The following MN1 variants were observed in gnomAD, a reference collection of about 807,000 sequenced individuals.
The protein encoded by MN1 is MN1 proto-oncogene, transcriptional regulator, also known as transcriptional activator MN1.
Under a neutral mutation model 86.9 loss-of-function variants are expected in MN1, and 19 were observed. The observed-to-expected ratio is 0.22, with a 90% CI of 0.15 to 0.32. The LOEUF (loss-of-function observed/expected upper bound fraction) is 0.32, where lower values mean the gene tolerates loss of function less well. MN1 is among the 10% of genes least tolerant of loss of function. The pLI is 1.00. For missense variants in MN1, 1,841 were observed against 1,862.0 expected, an observed-to-expected ratio of 0.99 and a Z score of 0.21; for synonymous variants, 928 against 849.6, an observed-to-expected ratio of 1.09 and a Z score of -1.60.
chr22:27,801,732 GC>G lies in MN1; in HGVS notation c.-1190del, dbSNP rs1014412404. On this transcript the variant is annotated 5_prime_UTR_variant, in exon 1 of 2. Transcript: ENST00000302326. ...GCTCCCCTCTCTGTGTCTGCCTCTC[GC>G]CCAGCGCCGGGAGAAGCAGCAACAA... 3.1e-4 allele frequency among the ~76,000 whole-genome samples: 47 copies of G among 152,318 alleles called. No individual in the cohort carries two copies. Among genetic ancestry groups the G allele is most frequent in the Non-Finnish European group, 4.7e-4 (32 of 68,030 alleles).
chr22:27,775,531 C>G (rs1932966748), intron 1 of MN1, among the ~76,000 whole-genome samples: 1 of 152,122 alleles, frequency 6.6e-6, no homozygotes, highest in South Asian at 2.1e-4. Flanking sequence ...CCGCCGTGGC[C>G]CAGCCTGCCC....
intron 1 of MN1, among the ~76,000 whole-genome samples, chr22:27,774,866 CT>C (rs1184815900): frequency 6.6e-6 from 1 of 152,180 alleles, no homozygotes; most frequent in Non-Finnish European, 1.5e-5. Context: ...ACTAGACCCC[CT>C]GTCACCCTGA....
At chr22:27,786,479 T>C (rs565236753) in intron 1 of MN1, among the ~76,000 whole-genome samples, 6 of 147,952 alleles carry the variant, frequency 4.1e-5, no homozygotes, top group East Asian at 2.1e-4. Context: ...ACCACCACCA[T>C]GTGTCAAGGA....
At chr22:27,774,083 C>A (rs530611024) in intron 1 of MN1, among the ~76,000 whole-genome samples, 179 of 152,316 alleles carry the variant, frequency 1.2e-3, no homozygotes, top group Admixed American at 3.1e-3. Flanking sequence ...CTTCACCTCC[C>A]GTGTGCCCAG....
intron 1 of MN1, among the ~76,000 whole-genome samples, chr22:27,758,364 T>C (rs1217840174): frequency 6.6e-6 from 1 of 152,208 alleles, no homozygotes; most frequent in African/African-American, 2.4e-5. Flanking sequence ...GTCAGCCCCA[T>C]GGCGATGTTT....
At chr22:27,786,810 G>A (rs570443062) in intron 1 of MN1, among the ~76,000 whole-genome samples, 1 of 150,228 alleles carries the variant, frequency 6.7e-6, no homozygotes, top group African/African-American at 2.5e-5. Flanking sequence ...ATTATTCTAT[G>A]CCAGGCAATC....
rs1281141480 is a variant in MN1 at position 27,798,323 on chromosome 22, C to G, written c.2221G>C (p.Gly741Arg). The change falls in exon 1 of 2, where the codon GGG becomes CGG. Residue 741 changes from glycine to arginine, a missense_variant. Physicochemically the swap from Gly to Arg is moderately radical, Grantham distance 125 (BLOSUM62 -2). Transcript: ENST00000302326. The stretch of plus-strand genomic sequence containing the variant: ...CCAAACGGAAAGCCCGGCTGGCCCC[C>G]GAGCGCAGACGTAGCAAAGTCCGGC... ...PPPDFATSAL[G>R]GQPGFPFGAA... 1.4e-5 allele frequency: 21 copies of G among 1,517,970 alleles called. No individual in the cohort carries two copies. The South Asian group carries it at 2.4e-4, about 18-fold the overall frequency. The allele number at this position is 1,517,970 out of a possible 1,614,324, so 94.0% of individuals were successfully genotyped here.
intron 1 of MN1, among the ~76,000 whole-genome samples, chr22:27,773,302 T>C (rs1247708465): frequency 6.6e-6 from 1 of 152,148 alleles, no homozygotes; most frequent in Admixed American, 6.5e-5. Context: ...CTCCAATGAG[T>C]TCATTTTACC....
At chr22:27,759,416 C>T (rs2267113) in intron 1 of MN1, among the ~76,000 whole-genome samples, 7,536 of 152,240 alleles carry the variant, frequency 0.05, 234 homozygotes, top group East Asian at 0.078. Context: ...AAGGTCTACA[C>T]GGCCACCAAC....
chr22:27,789,137 C>T (rs932456278), intron 1 of MN1, among the ~76,000 whole-genome samples: 1 of 152,184 alleles, frequency 6.6e-6, no homozygotes, highest in African/African-American at 2.4e-5. Context: ...CCTCCAAAGA[C>T]ATGACCATGG....
At chr22:27,796,201 T>A (rs1933292077) in intron 1 of MN1, among the ~76,000 whole-genome samples, 1 of 152,128 alleles carries the variant, frequency 6.6e-6, no homozygotes, top group African/African-American at 2.4e-5. Context: ...GGAACAAATG[T>A]CAAATTAGGC....
At chr22:27,787,525 C>A (rs1933150328) in intron 1 of MN1, among the ~76,000 whole-genome samples, 1 of 152,130 alleles carries the variant, frequency 6.6e-6, no homozygotes, top group Non-Finnish European at 1.5e-5. Flanking sequence ...ACTTTGGTCC[C>A]CTTTTTGCCT....
Position 27,798,797 on chromosome 22 carries a change from C to G in MN1, c.1747G>C (p.Asp583His), listed in dbSNP as rs1933364994. The change falls in exon 1 of 2, where the codon GAC (aspartate) becomes CAC (histidine). Residue 583 changes from aspartate (D) to histidine (H), a missense_variant. Transcript: ENST00000302326. ...PNLAQLGHPGDVGQGGLVHGG... is the reference protein window; with the variant it reads ...PNLAQLGHPGHVGQGGLVHGG... ...TGCACCAGGCCGCCCTGGCCCACGT[C>G]CCCGGGGTGGCCTAGCTGAGCCAGG... 1 of 1,535,814 alleles carries G rather than the reference C, an allele frequency of 6.5e-7. No homozygotes were observed. The highest frequency in any genetic ancestry group is 2.4e-5 in the East Asian group (1 of 40,878).
intron 1 of MN1, among the ~76,000 whole-genome samples, chr22:27,762,649 C>T (rs987027293): frequency 1.3e-5 from 2 of 152,084 alleles, no homozygotes; most frequent in Non-Finnish European, 2.9e-5. Context: ...GTGGCCTGGG[C>T]AGGATGCTGT....
chr22:27,777,420 A>G (rs1932991608), intron 1 of MN1, among the ~76,000 whole-genome samples: 1 of 151,666 alleles, frequency 6.6e-6, no homozygotes, highest in Non-Finnish European at 1.5e-5. Context: ...GTAGTCCTAG[A>G]TACCCTGGAG....
At chr22:27,771,219 C>CTT (rs11330963) in intron 1 of MN1, among the ~76,000 whole-genome samples, 2,921 of 86,592 alleles carry the variant, frequency 0.034, 335 homozygotes, top group African/African-American at 0.12. Flanking sequence ...TTTTCCCTAA[C>CTT]TTTTTTTTTT....
intron 1 of MN1, among the ~76,000 whole-genome samples, chr22:27,785,753 C>A (rs1006154159): frequency 6.7e-5 from 10 of 150,168 alleles, no homozygotes; most frequent in East Asian, 2.0e-4. Flanking sequence ...TGTGCCCCCC[C>A]CCCATGGCCC....
rs752339866 is a variant in MN1 at position 27,799,300 on chromosome 22, T to A, written c.1244A>T (p.Glu415Val). ...GGAATAAGGGTGCATGCTCCGGTTC[T>A]CCAGCCGGTGGATGGGATACTCGAA... ...AQFEYPIHRL[E>V]NRSMHPYSEP... The change falls in exon 1 of 2, where the codon GAG (glutamate) becomes GTG (valine). Residue 415 changes from glutamate (E) to valine (V), a missense_variant. Glu to Val is a moderately radical substitution (Grantham distance 121). Coordinates refer to ENST00000302326, the MANE Select transcript of MN1 (RefSeq NM_002430.3). The A allele has an allele frequency of 3.5e-5, 56 of 1,589,778 alleles. No homozygotes were observed. The highest frequency in any genetic ancestry group is 4.5e-5 in the Non-Finnish European group (53 of 1,168,492).
rs1297278365 is a variant in MN1, at chr22:27,797,890, G to T, written c.2654C>A (p.Pro885His). The T allele has an allele frequency of 6.3e-7, 1 of 1,596,970 alleles. No individual in the cohort carries two copies. The highest frequency in any genetic ancestry group is 1.3e-5 in the African/African-American group (1 of 74,426). Residue 885 changes from proline to histidine, a missense_variant, in exon 1 of 2, where the codon CCT becomes CAT. Physicochemically the swap from Pro to His is moderately conservative, Grantham distance 77. Coordinates refer to ENST00000302326, the MANE Select transcript of MN1 (RefSeq NM_002430.3). Reference sequence around the variant, plus strand: ...CGGGCCTCCGGGTCCTGGGGCCCCAGGAGCAGTCCCTCCTGGGAAGTAATC... The same window carrying T: ...CGGGCCTCCGGGTCCTGGGGCCCCATGAGCAGTCCCTCCTGGGAAGTAATC... ...GSDYFPGGTA[P>H]GAPGPGGPSG...
Sources: gnomAD v4.1 joint callset for allele counts (sites outside exome capture counted in the v4.1 genomes callset) on GRCh38, gnomAD v4.1.1 for gene constraint, MANE v1.5 for transcripts, NCBI Gene and HGNC (gene_info 2026-07-23, HGNC 2026-07-21) for gene names.